Variants in RBFOX1 observed in about 807,000 individuals in gnomAD.
RBFOX1 encodes the protein RNA binding fox-1 homolog 1, also known as RNA binding protein fox-1 homolog 1.
A neutral mutation model predicts 57.7 loss-of-function variants in RBFOX1; 8 were observed. The ratio of observed to expected loss-of-function variants is 0.14; its 90% confidence interval spans 0.08 to 0.25. The LOEUF (loss-of-function observed/expected upper bound fraction) is 0.25. RBFOX1 is among the 10% of genes least tolerant of loss of function. The probability of loss-of-function intolerance (pLI) is 1.00; values close to 1 mark genes in which losing one functional copy is unlikely to be tolerated. For synonymous variants in RBFOX1, 326 were observed against 222.4 expected (o/e 1.47, Z -4.15); for missense variants, 611 against 548.5 (o/e 1.11, Z -1.14).
intron 3 of RBFOX1, among the ~76,000 whole-genome samples, chr16:6,924,731 G>C (rs2075206405): frequency 6.6e-6 from 1 of 151,328 alleles, no homozygotes; most frequent in African/African-American, 2.4e-5. Flanking sequence ...TGCACAACGT[G>C]CAGGTTTGTT....
At chr16:6,358,285 A>G (rs1412270344) in intron 2 of RBFOX1, among the ~76,000 whole-genome samples, 1 of 152,212 alleles carries the variant, frequency 6.6e-6, no homozygotes, top group Non-Finnish European at 1.5e-5. Flanking sequence ...ATTTTCCAGT[A>G]CATGTTACCC....
At chr16:6,488,097 A>G (rs1165514171) in intron 2 of RBFOX1, among the ~76,000 whole-genome samples, 2 of 152,086 alleles carry the variant, frequency 1.3e-5, no homozygotes, top group Non-Finnish European at 2.9e-5. Context: ...AAGGTGCACT[A>G]TTTGCCCAAT....
chr16:5,407,701 A>G (rs1421110238), intron 1 of RBFOX1, among the ~76,000 whole-genome samples: 1 of 152,106 alleles, frequency 6.6e-6, no homozygotes, highest in Non-Finnish European at 1.5e-5. Context: ...GGGACCCACC[A>G]CCACGCTGGG....
intron 2 of RBFOX1, among the ~76,000 whole-genome samples, chr16:6,518,036 T>A (rs575597232): frequency 6.6e-6 from 1 of 152,204 alleles, no homozygotes; most frequent in Non-Finnish European, 1.5e-5. Flanking sequence ...GAAGTTCTTG[T>A]CTGTCTTTGT....
chr16:5,407,602 G>T (rs2151455126), intron 1 of RBFOX1, among the ~76,000 whole-genome samples: 1 of 152,236 alleles, frequency 6.6e-6, no homozygotes, highest in South Asian at 2.1e-4. Flanking sequence ...AGGCTGGAGT[G>T]CAGTGGCATG....
At position 6,468,821 on chromosome 16, in the gene RBFOX1, T is replaced by G. The variant is rs540380726; in HGVS notation, c.-64+151764T>G. Among the ~76,000 whole-genome samples the G allele has an allele frequency of 2.0e-5, 3 of 152,274 alleles. No individual in the cohort carries two copies. The South Asian group carries it at 6.2e-4, about 32-fold the overall frequency. On this transcript the variant is annotated intron_variant, in intron 2 of 15. Transcript: ENST00000550418. Reference sequence around the variant, plus strand: ...TTTATTTTAAGTTCAGTGGTACATATGCAGGTTTGTAACATAGGTAAACTT... The same window carrying G: ...TTTATTTTAAGTTCAGTGGTACATAGGCAGGTTTGTAACATAGGTAAACTT...
intron 3 of RBFOX1, among the ~76,000 whole-genome samples, chr16:6,869,034 T>C (rs1240367543): frequency 5.9e-5 from 9 of 152,240 alleles, no homozygotes; most frequent in Non-Finnish European, 1.3e-4. Context: ...CCAACCTGTA[T>C]TGAGCACATG....
intron 4 of RBFOX1, among the ~76,000 whole-genome samples, chr16:5,951,363 G>C (rs2059516500): frequency 6.6e-6 from 1 of 152,084 alleles, no homozygotes; most frequent in Non-Finnish European, 1.5e-5. Context: ...CAGGAGAATT[G>C]CTTGAACCCG....
chr16:6,796,336 T>A (rs2084037200), intron 3 of RBFOX1, among the ~76,000 whole-genome samples: 1 of 152,144 alleles, frequency 6.6e-6, no homozygotes, highest in African/African-American at 2.4e-5. Flanking sequence ...AGACGACATG[T>A]GAGTGGGTAC....
chr16:6,690,758 C>T (rs77264305), intron 3 of RBFOX1, among the ~76,000 whole-genome samples: 13 of 141,062 alleles, frequency 9.2e-5, no homozygotes, highest in Non-Finnish European at 1.4e-4. Flanking sequence ...TTCTTTCTTT[C>T]TTTTTTTTTT....
intron 5 of RBFOX1, among the ~76,000 whole-genome samples, chr16:7,552,517 A>G (rs2086872242): frequency 1.3e-5 from 2 of 152,142 alleles, no homozygotes. Context: ...ATGTTAATTG[A>G]TAATGATGCT....
At chr16:5,624,333 T>A (rs2048284471) in intron 3 of RBFOX1, among the ~76,000 whole-genome samples, 1 of 152,190 alleles carries the variant, frequency 6.6e-6, no homozygotes, top group Non-Finnish European at 1.5e-5. Flanking sequence ...CAGCTGGGAC[T>A]ACAGGCACCT....
chr16:6,889,356 T>C (rs923542140), intron 3 of RBFOX1, among the ~76,000 whole-genome samples: 8 of 152,248 alleles, frequency 5.3e-5, no homozygotes, highest in Admixed American at 1.3e-4. Flanking sequence ...TGCCTCATTT[T>C]GCTCTCTTTT....
chr16:6,386,167 C>CCT (rs1195210221), intron 2 of RBFOX1, among the ~76,000 whole-genome samples: 3 of 152,084 alleles, frequency 2.0e-5, no homozygotes, highest in Admixed American at 2.0e-4. Context: ...GATGTCCTGG[C>CCT]CTCGTGATCC....
intron 1 of RBFOX1, among the ~76,000 whole-genome samples, chr16:6,240,539 A>G (rs142117479): frequency 6.6e-6 from 1 of 152,098 alleles, no homozygotes; most frequent in African/African-American, 2.4e-5. Context: ...ACAATTTTCA[A>G]ACTCTTCATC....
At chr16:5,436,367 A>G (rs925964082) in intron 1 of RBFOX1, among the ~76,000 whole-genome samples, 5 of 152,170 alleles carry the variant, frequency 3.3e-5, no homozygotes, top group African/African-American at 1.2e-4. Context: ...CAGGGTGAGA[A>G]AACCACCATC....
At chr16:7,449,034 A>T (rs895283502) in intron 4 of RBFOX1, among the ~76,000 whole-genome samples, 6 of 144,890 alleles carry the variant, frequency 4.1e-5, no homozygotes, top group African/African-American at 1.6e-4. Flanking sequence ...GGTTCAAACG[A>T]TTTTTCTGCG....
intron 1 of RBFOX1, among the ~76,000 whole-genome samples, chr16:6,076,702 C>T (rs546750819): frequency 1.3e-5 from 2 of 152,284 alleles, no homozygotes; most frequent in South Asian, 2.1e-4. Context: ...GCTTCAAAGA[C>T]ACAGAGTCCA....
intron 3 of RBFOX1, among the ~76,000 whole-genome samples, chr16:7,050,019 T>C (rs7199089): frequency 0.093 from 14,120 of 152,140 alleles, 973 homozygotes; most frequent in East Asian, 0.28. Flanking sequence ...CCTTTTCCAT[T>C]AACCCAGTCC....
Sources: gnomAD v4.1 joint callset for allele counts (sites outside exome capture counted in the v4.1 genomes callset) on GRCh38, gnomAD v4.1.1 for gene constraint, MANE v1.5 for transcripts, NCBI Gene and HGNC (gene_info 2026-07-23, HGNC 2026-07-21) for gene names.